The following TJP2 variants were observed in gnomAD, a reference collection of about 807,000 sequenced individuals.
TJP2 encodes tight junction protein 2.
TJP2 carries 91 observed loss-of-function variants against 133.1 expected under a neutral mutation model. The ratio of observed to expected loss-of-function variants is 0.68; its 90% CI spans 0.58 to 0.81. The LOEUF (loss-of-function observed/expected upper bound fraction) is 0.81, where lower values mean the gene tolerates loss of function less well. TJP2 is among the 40% of genes least tolerant of loss of function. The pLI is 0.00. For missense variants in TJP2, 1,541 were observed against 1,565.6 expected, an observed-to-expected ratio of 0.98 and a Z score of 0.26; for synonymous variants, 592 against 583.4, an observed-to-expected ratio of 1.01 and a Z score of -0.21.
intron 2 of TJP2, among the ~76,000 whole-genome samples, chr9:69,160,965 G>A (rs555989715): frequency 6.6e-6 from 1 of 152,132 alleles, no homozygotes; most frequent in African/African-American, 2.4e-5. Context: ...TTTGGGTGGG[G>A]ACACAGCCAA....
intron 20 of TJP2, 32 bp downstream of exon 20, chr9:69,249,517 A>G (rs1232496860): frequency 1.3e-6 from 2 of 1,574,984 alleles, no homozygotes; most frequent in South Asian, 1.2e-5. Flanking sequence ...GATGGGAAGG[A>G]AGAGGAAGCA....
intron 1 of TJP2, among the ~76,000 whole-genome samples, chr9:69,144,084 C>G (rs1823116950): frequency 6.6e-6 from 1 of 152,142 alleles, no homozygotes; most frequent in Admixed American, 6.6e-5. Context: ...CTTACTGCAG[C>G]CTCGAACTTG....
intron 1 of TJP2, chr9:69,145,555 C>A (rs896412403): frequency 1.4e-5 from 6 of 414,310 alleles, no homozygotes; most frequent in Non-Finnish European, 2.1e-5. Flanking sequence ...TGTGGTCTGC[C>A]CCCCCATCAC....
In TJP2 at chr9:69,127,843, G is replaced by A. The variant is rs1160948839; in HGVS notation, c.-131+6118G>A. ...AATCCCACTCCTTTGGGGGACCGAGGTGGGAGGATCACCTGAGTCCTGGGC... is the reference window on the plus strand; with the variant it reads ...AATCCCACTCCTTTGGGGGACCGAGATGGGAGGATCACCTGAGTCCTGGGC... On this transcript the variant is annotated intron_variant, in intron 1 of 5. Transcript: ENST00000423935. Among the ~76,000 whole-genome samples the A allele has an allele frequency of 2.6e-5, 2 of 76,314 alleles. 1 individual carries two copies. Among genetic ancestry groups the A allele is most frequent in the Admixed American group, 3.8e-4 (2 of 5,230 alleles). 50.1% of individuals were successfully genotyped at this position (76,314 alleles called of 152,430 possible).
At chr9:69,135,024 G>A (rs1822669329) in intron 1 of TJP2, among the ~76,000 whole-genome samples, 1 of 151,782 alleles carries the variant, frequency 6.6e-6, no homozygotes, top group Non-Finnish European at 1.5e-5. Context: ...CTCTCTTGTT[G>A]TAGGGACACT....
At chr9:69,244,591 A>T (rs1415532044) in intron 17 of TJP2, among the ~76,000 whole-genome samples, 1 of 152,234 alleles carries the variant, frequency 6.6e-6, no homozygotes, top group Non-Finnish European at 1.5e-5. Flanking sequence ...GGTTAGGAGC[A>T]ACAGATAATT....
chr9:69,231,390 G>A (rs1829770162), intron 11 of TJP2, among the ~76,000 whole-genome samples: 1 of 152,112 alleles, frequency 6.6e-6, no homozygotes, highest in African/African-American at 2.4e-5. Flanking sequence ...GAGCCACTGC[G>A]CCCGGCTGGG....
chr9:69,253,124 T>C (rs1381641327), intron 22 of TJP2: 4 of 583,854 alleles, frequency 6.9e-6, no homozygotes, highest in Non-Finnish European at 1.2e-5. Context: ...AGTGTAATCA[T>C]TGATGTTTCC....
intron 12 of TJP2, among the ~76,000 whole-genome samples, chr9:69,235,323 A>ATTTATTT (rs763533741): frequency 2.0e-5 from 1 of 50,318 alleles, no homozygotes; most frequent in Non-Finnish European, 5.0e-5. Context: ...TTATTTATTT[A>ATTTATTT]TTTATTATTA....
chr9:69,236,399 C>T (rs1830193786), intron 13 of TJP2, among the ~76,000 whole-genome samples, 161 bp downstream of exon 13: 1 of 152,070 alleles, frequency 6.6e-6, no homozygotes. Flanking sequence ...CTGTAAATAG[C>T]CACCAGCCAG....
Position 69,190,088 on chromosome 9 carries a change from C to T in TJP2, c.60+15656C>T, listed in dbSNP as rs566812966. ...TGGCGCCACTGCACTCCAGCCTGGG[C>T]AACAGAGCGAGACTCTGTCTCAAAA... On this transcript the variant is annotated intron_variant, in intron 1 of 22. Transcript: ENST00000377245. Among the ~76,000 whole-genome samples, 4 of 151,316 alleles carry T rather than the reference C, an allele frequency of 2.6e-5. 1 individual carries two copies. The highest frequency in any genetic ancestry group is 5.9e-5 in the Non-Finnish European group (4 of 67,840).
intron 17 of TJP2, 119 bp from the exon 18 acceptor site, chr9:69,246,571 T>A: frequency 1.2e-6 from 1 of 849,834 alleles, no homozygotes; most frequent in East Asian, 2.6e-5. Context: ...TGCAAACATC[T>A]TCTTGCGTCT....
chr9:69,239,088 C>A (rs2133402725), intron 16 of TJP2, among the ~76,000 whole-genome samples: 1 of 152,308 alleles, frequency 6.6e-6, no homozygotes, highest in East Asian at 1.9e-4. Flanking sequence ...ACTCAGGAGG[C>A]TGAGGCAGGA....
At chr9:69,204,089 G>A (rs1827211200) in intron 1 of TJP2, among the ~76,000 whole-genome samples, 1 of 152,170 alleles carries the variant, frequency 6.6e-6, no homozygotes, top group South Asian at 2.1e-4. Context: ...CTGAAGTGTA[G>A]ATGGTTTTAT....
intron 5 of TJP2, among the ~76,000 whole-genome samples, chr9:69,223,409 A>C (rs1829069068): frequency 6.6e-6 from 1 of 151,932 alleles, no homozygotes; most frequent in Admixed American, 6.6e-5. Flanking sequence ...CCGGGTTCAC[A>C]CCATTCTCCT....
chr9:69,214,692 C>A (rs1828216430), intron 2 of TJP2, among the ~76,000 whole-genome samples: 1 of 151,864 alleles, frequency 6.6e-6, no homozygotes, highest in South Asian at 2.1e-4. Context: ...CATGGTGAAA[C>A]CCTCCCTGTC....
chr9:69,246,284 G>A, intron 17 of TJP2: 1 of 253,888 alleles, frequency 3.9e-6, no homozygotes. Flanking sequence ...GTTACTTTTA[G>A]TATTTTATTG....
chr9:69,196,664 A>C (rs2133093895), intron 1 of TJP2, among the ~76,000 whole-genome samples: 1 of 152,234 alleles, frequency 6.6e-6, no homozygotes, highest in African/African-American at 2.4e-5. Flanking sequence ...GTGTGCAACC[A>C]GTGGCTTTTA....
chr9:69,176,318 T>C (rs888277785), intron 1 of TJP2, among the ~76,000 whole-genome samples: 1 of 151,688 alleles, frequency 6.6e-6, no homozygotes, highest in African/African-American at 2.4e-5. Flanking sequence ...GCTACGTAAA[T>C]GGTGGTAGCT....
Sources: allele counts gnomAD v4.1 joint callset (sites outside exome capture counted in the v4.1 genomes callset), GRCh38; gene constraint gnomAD v4.1.1; transcripts MANE v1.5; gene names NCBI Gene and HGNC (gene_info 2026-07-23, HGNC 2026-07-21).